The following LRRC72 variants were observed in gnomAD, a reference collection of about 807,000 sequenced individuals.
LRRC72 encodes leucine-rich repeat-containing protein 72.
In LRRC72, 41 loss-of-function variants were observed where a neutral mutation model predicts 35.8. That is an observed-to-expected ratio of 1.15 (90% confidence interval 0.89 to 1.49). LRRC72 has a LOEUF of 1.49. Among genes scored for constraint, LRRC72 ranks in the 40% most tolerant of loss-of-function variants. The probability of loss-of-function intolerance (pLI) is 0.00; values close to 1 mark genes in which losing one functional copy is unlikely to be tolerated. For synonymous variants in LRRC72, 118 were observed against 119.2 expected (o/e 0.99, Z 0.07); for missense variants, 389 against 330.7 (o/e 1.18, Z -1.37).
At chr7:16,557,678 G>A (rs1782674223) in intron 4 of LRRC72, among the ~76,000 whole-genome samples, 1 of 151,912 alleles carries the variant, frequency 6.6e-6, no homozygotes, top group Admixed American at 6.6e-5. Flanking sequence ...AATTTTAACA[G>A]GTATTTTAGA....
Position 16,564,303 on chromosome 7 carries a change from G to C in LRRC72, c.428-2010G>C, listed in dbSNP as rs113781074. Among the ~76,000 whole-genome samples, 1,147 of 152,162 alleles carry C rather than the reference G, an allele frequency of 7.5e-3. 10 individuals are homozygous for C. Among genetic ancestry groups the C allele is most frequent in the Non-Finnish European group, 0.013 (896 of 67,970 alleles). Reference sequence around the variant, plus strand: ...TTCTGAGTTCTCATTAGAAACAATTGTGTTTTGCTTTTATATCCTTGAAGA... The same window carrying C: ...TTCTGAGTTCTCATTAGAAACAATTCTGTTTTGCTTTTATATCCTTGAAGA... On this transcript the variant is annotated intron_variant, in intron 5 of 8. Coordinates refer to ENST00000401542, the MANE Select transcript of LRRC72 (RefSeq NM_001195280.2).
At chr7:16,565,042 C>G (rs1782805134) in intron 5 of LRRC72, among the ~76,000 whole-genome samples, 1 of 152,100 alleles carries the variant, frequency 6.6e-6, no homozygotes, top group Admixed American at 6.5e-5. Context: ...AGGAGTTGTG[C>G]GGTAGCTGGA....
At chr7:16,559,168 C>T (rs774440720) in intron 5 of LRRC72, among the ~76,000 whole-genome samples, 169 bp downstream of exon 5, 2 of 152,020 alleles carry the variant, frequency 1.3e-5, no homozygotes, top group Non-Finnish European at 2.9e-5. Context: ...CTGAGGTGGG[C>T]GGATCACTTG....
At chr7:16,533,076 G>A (rs1782196275) in intron 2 of LRRC72, among the ~76,000 whole-genome samples, 1 of 152,086 alleles carries the variant, frequency 6.6e-6, no homozygotes. Flanking sequence ...AAGCTTAGGT[G>A]AGTTAGTAAA....
At chr7:16,545,300 A>T (rs1319359144) in intron 3 of LRRC72, among the ~76,000 whole-genome samples, 2 of 152,242 alleles carry the variant, frequency 1.3e-5, no homozygotes, top group African/African-American at 4.8e-5. Context: ...GCACAAATTT[A>T]TGTATTTTAG....
chr7:16,537,255 A>T, intron 2 of LRRC72: 1 of 165,982 alleles, frequency 6.0e-6, no homozygotes, highest in Non-Finnish European at 1.3e-5. Context: ...TTGAAGCAGG[A>T]CCCAGCTACA....
intron 5 of LRRC72, among the ~76,000 whole-genome samples, chr7:16,561,621 A>C (rs546897517): frequency 1.3e-5 from 2 of 152,368 alleles, no homozygotes; most frequent in South Asian, 4.1e-4. Flanking sequence ...TTCAAGTTAC[A>C]TAACTATAAC....
At chr7:16,568,188 T>C (rs1232721776) in intron 7 of LRRC72, among the ~76,000 whole-genome samples, 2 of 152,208 alleles carry the variant, frequency 1.3e-5, no homozygotes, top group African/African-American at 4.8e-5. Context: ...TGTTCAAGGA[T>C]ATATCTGTCT....
chr7:16,565,790 T>C (rs1340986619), intron 5 of LRRC72, among the ~76,000 whole-genome samples: 1 of 152,220 alleles, frequency 6.6e-6, no homozygotes, highest in Non-Finnish European at 1.5e-5. Context: ...CTGGTCCTGC[T>C]GAGATCTGAA....
intron 3 of LRRC72, among the ~76,000 whole-genome samples, chr7:16,551,115 T>C (rs187329923): frequency 8.9e-4 from 136 of 152,228 alleles, no homozygotes; most frequent in African/African-American, 3.0e-3. Flanking sequence ...CCTAATGCAA[T>C]ATGACTAAAA....
At chr7:16,579,328 T>C (rs1057247020) in intron 7 of LRRC72, among the ~76,000 whole-genome samples, 1 of 152,236 alleles carries the variant, frequency 6.6e-6, no homozygotes, top group Non-Finnish European at 1.5e-5. Context: ...TGAGAGACTT[T>C]CGTTAGCCAC....
chr7:16,536,156 A>T (rs531071209), intron 2 of LRRC72, among the ~76,000 whole-genome samples: 2 of 152,284 alleles, frequency 1.3e-5, no homozygotes, highest in East Asian at 3.9e-4. Context: ...TACAGGCATG[A>T]GCCACCATGC....
At chr7:16,544,292 C>T (rs1480072087) in intron 3 of LRRC72, among the ~76,000 whole-genome samples, 2 of 152,118 alleles carry the variant, frequency 1.3e-5, no homozygotes, top group African/African-American at 4.8e-5. Flanking sequence ...TGAAAAAGCA[C>T]AAGTTTATTT....
chr7:16,546,783 C>A (rs1782450095), intron 3 of LRRC72, among the ~76,000 whole-genome samples: 1 of 152,090 alleles, frequency 6.6e-6, no homozygotes, highest in Non-Finnish European at 1.5e-5. Context: ...ACAAATATTG[C>A]AGTGGCCCTC....
At chr7:16,539,725 T>G (rs974263432) in intron 3 of LRRC72, among the ~76,000 whole-genome samples, 1 of 152,194 alleles carries the variant, frequency 6.6e-6, no homozygotes, top group African/African-American at 2.4e-5. Flanking sequence ...CTCCAGCTGC[T>G]AAAAGGGGCC....
intron 7 of LRRC72, among the ~76,000 whole-genome samples, chr7:16,572,792 G>A (rs1782970871): frequency 6.6e-6 from 1 of 152,170 alleles, no homozygotes; most frequent in Non-Finnish European, 1.5e-5. Context: ...AGTATTGAAA[G>A]TTCTGGCCAG....
chr7:16,543,871 G>T (rs1782400663), intron 3 of LRRC72, among the ~76,000 whole-genome samples: 1 of 152,208 alleles, frequency 6.6e-6, no homozygotes, highest in South Asian at 2.1e-4. Context: ...TCATGGAGAT[G>T]CCAAGACTAA....
intron 3 of LRRC72, among the ~76,000 whole-genome samples, chr7:16,552,183 A>C (rs1320511347): frequency 6.6e-6 from 1 of 152,198 alleles, no homozygotes; most frequent in African/African-American, 2.4e-5. Flanking sequence ...AATAATAATG[A>C]GTTGTTATGA....
At chr7:16,550,369 T>A (rs1583642195) in intron 3 of LRRC72, among the ~76,000 whole-genome samples, 5 of 152,340 alleles carry the variant, frequency 3.3e-5, no homozygotes, top group Admixed American at 3.3e-4. Context: ...TTCTGACTGC[T>A]TCCAGGGTTG....
Sources: allele counts gnomAD v4.1 joint callset (sites outside exome capture counted in the v4.1 genomes callset), GRCh38; gene constraint gnomAD v4.1.1; transcripts MANE v1.5; gene names NCBI Gene and HGNC (gene_info 2026-07-23, HGNC 2026-07-21).